The following ADAM10 variants were observed in gnomAD, a reference collection of about 807,000 sequenced individuals.
ADAM10 encodes the protein ADAM metallopeptidase domain 10.
ADAM10 carries 17 observed loss-of-function variants against 90.1 expected under a neutral mutation model. That is an observed-to-expected ratio of 0.19 (90% CI 0.13 to 0.28). The LOEUF (loss-of-function observed/expected upper bound fraction) is 0.28, where lower values mean the gene tolerates loss of function less well. Among genes scored for constraint, ADAM10 ranks in the 10% least tolerant of loss-of-function variants. ADAM10 has a pLI of 1.00. For synonymous variants in ADAM10, 310 were observed against 298.6 expected, an observed-to-expected ratio of 1.04 and a Z score of -0.40; for missense variants, 610 against 914.3, an observed-to-expected ratio of 0.67 and a Z score of 4.29.
intron 1 of ADAM10, chr15:58,747,347 G>A (rs1187472611): frequency 6.6e-6 from 1 of 152,156 alleles, no homozygotes; most frequent in Non-Finnish European, 1.5e-5. Flanking sequence ...CTGACAAATT[G>A]GGGAGGTGGA....
At position 58,658,957 on chromosome 15, in the gene ADAM10, T is replaced by C. The variant is rs112455193; in HGVS notation, c.585+6140A>G. On this transcript the variant is annotated intron_variant, in intron 5 of 15. Transcript: ENST00000260408. ...TTGCCTTATTATGGTGGCTAGGACT[T>C]TGTGTATAATGCTGAGTAGAAGTTT... Among the ~76,000 whole-genome samples, 1,391 of 152,174 alleles carry C rather than the reference T, an allele frequency of 9.1e-3. 11 individuals carry two copies. Among genetic ancestry groups the C allele is most frequent in the Middle Eastern group, 0.024 (7 of 294 alleles).
rs112163441 is a variant in ADAM10, at chr15:58,659,260, G to A, written c.585+5837C>T. On this transcript the variant is annotated intron_variant, in intron 5 of 15. Transcript: ENST00000260408. ...TGCACTCCAGCCTGGGAGACAGAGC[G>A]AGAATCCGTCTCAAAAAAGAAAAAA... Among the ~76,000 whole-genome samples the A allele has an allele frequency of 5.7e-3, 870 of 151,652 alleles. 7 individuals are homozygous for A. Among genetic ancestry groups the A allele is most frequent in the African/African-American group, 0.02 (837 of 41,306 alleles).
chr15:58,606,924 G>A (rs1458705601), intron 14 of ADAM10, among the ~76,000 whole-genome samples: 2 of 152,216 alleles, frequency 1.3e-5, no homozygotes, highest in Non-Finnish European at 2.9e-5. Context: ...CACTGTTGCA[G>A]CTACTCAAAG....
intron 14 of ADAM10, among the ~76,000 whole-genome samples, chr15:58,604,868 G>A (rs1272543319): frequency 6.6e-6 from 1 of 152,078 alleles, no homozygotes; most frequent in Non-Finnish European, 1.5e-5. Context: ...CTGAGTAGCT[G>A]GGACTACAAG....
chr15:58,629,912 G>A (rs987835176), intron 9 of ADAM10, among the ~76,000 whole-genome samples: 6 of 152,034 alleles, frequency 3.9e-5, no homozygotes, highest in Non-Finnish European at 7.4e-5. Flanking sequence ...GACTACAGGT[G>A]CAGTCCAGCA....
rs67378373 is a variant in ADAM10, at chr15:58,647,248, ATTTTTTTTTTTTT to A, written c.586-1057_586-1045del. 1.9e-3 allele frequency among the ~76,000 whole-genome samples: 113 copies of A among 59,602 alleles called. 4 individuals are homozygous for A. The highest frequency in any genetic ancestry group is 3.2e-3 in the Non-Finnish European group (90 of 27,854). 39.1% of individuals were successfully genotyped at this position (59,602 alleles called of 152,430 possible). ...TGGCAGCAAAGAGTAGACACTAAGT[ATTTTTTTTTTTTT>A]TTTTTTTTTTTTTTTTTGAGACAGA... On this transcript the variant is annotated intron_variant, in intron 5 of 15. Coordinates refer to ENST00000260408, the MANE Select transcript of ADAM10 (RefSeq NM_001110.4).
rs767192487 is a variant in ADAM10 at position 58,591,194 on chromosome 15, C to G, written c.*6353G>C. 3.3e-5 allele frequency: 5 copies of G among 152,128 alleles called. No homozygotes were observed. The highest frequency in any genetic ancestry group is 5.9e-5 in the Non-Finnish European group (4 of 67,996). The allele number at this position is 152,128 out of a possible 1,614,324, so 9.4% of individuals were successfully genotyped here. A position where few individuals can be genotyped will look rare whatever the true frequency, so the allele number is the denominator to read the frequency against. ...AAACAGGGACCCAATGGCCTGCTTG[C>G]TAAGATTGCTGGATGACTGATAGCT... On this transcript the variant is annotated 3_prime_UTR_variant, in exon 16 of 16. Transcript: ENST00000260408.
chr15:58,688,844 C>T (rs867960241), intron 2 of ADAM10, among the ~76,000 whole-genome samples: 4 of 141,468 alleles, frequency 2.8e-5, no homozygotes, highest in Non-Finnish European at 6.0e-5. Flanking sequence ...GAAAGAATAT[C>T]AGCGAACTTG....
At chr15:58,749,424 CCGGCCGCCGCTCCGCCGTGGTCG>C in intron 1 of ADAM10, 33 bp downstream of exon 1, 1 of 1,492,952 alleles carries the variant, frequency 6.7e-7, no homozygotes, top group Non-Finnish European at 8.9e-7. Context: ...TCCGCTCGGC[CCGGCCGCCGCTCCGCCGTGGTCG>C]CGGCGCCCCC....
chr15:58,602,177 T>C (rs1566963413), intron 14 of ADAM10, among the ~76,000 whole-genome samples: 3 of 152,312 alleles, frequency 2.0e-5, no homozygotes, highest in African/African-American at 2.4e-5. Flanking sequence ...ACTGACATTA[T>C]TGTGTTTTTT....
intron 1 of ADAM10, among the ~76,000 whole-genome samples, chr15:58,740,155 G>A (rs775699304): frequency 2.6e-5 from 4 of 152,200 alleles, no homozygotes; most frequent in Non-Finnish European, 5.9e-5. Flanking sequence ...GCTCATGCCT[G>A]TAATCCCAAA....
chr15:58,684,057 A>T (rs1407472359), intron 2 of ADAM10, among the ~76,000 whole-genome samples: 1 of 152,120 alleles, frequency 6.6e-6, no homozygotes, highest in African/African-American at 2.4e-5. Context: ...TACACTTTAA[A>T]TCATCTCAAA....
At chr15:58,677,149 G>A (rs1453510526) in intron 4 of ADAM10, among the ~76,000 whole-genome samples, 1 of 152,128 alleles carries the variant, frequency 6.6e-6, no homozygotes, top group South Asian at 2.1e-4. Flanking sequence ...CTGTTTAAGG[G>A]AACTCCTTCC....
chr15:58,648,770 A>T (rs1191048599), intron 5 of ADAM10, among the ~76,000 whole-genome samples: 2 of 152,162 alleles, frequency 1.3e-5, no homozygotes, highest in Non-Finnish European at 2.9e-5. Flanking sequence ...TATTACGGAC[A>T]TACAAATTAA....
At chr15:58,705,341 T>C (rs1174926317) in intron 2 of ADAM10, among the ~76,000 whole-genome samples, 2 of 152,232 alleles carry the variant, frequency 1.3e-5, no homozygotes, top group Admixed American at 1.3e-4. Context: ...GTAAGTATTA[T>C]GTTTCTCATC....
chr15:58,617,025 C>T (rs1269796848), intron 11 of ADAM10, among the ~76,000 whole-genome samples: 2 of 151,972 alleles, frequency 1.3e-5, no homozygotes, highest in African/African-American at 2.4e-5. Flanking sequence ...AGGAGAATGG[C>T]GTGAATCCAG....
At chr15:58,647,820 TG>T (rs1434825893) in intron 5 of ADAM10, among the ~76,000 whole-genome samples, 1 of 152,184 alleles carries the variant, frequency 6.6e-6, no homozygotes, top group Admixed American at 6.5e-5. Flanking sequence ...CCCGAAGTAC[TG>T]GGATTACAGG....
chr15:58,740,713 T>C (rs994995947), intron 1 of ADAM10, among the ~76,000 whole-genome samples: 16 of 152,182 alleles, frequency 1.1e-4, no homozygotes, highest in Non-Finnish European at 1.5e-5. Context: ...CCATTAACTA[T>C]ACATTAGTTT....
Position 58,600,986 on chromosome 15 carries a change from G to A in ADAM10, c.2026-1262C>T, listed in dbSNP as rs1316217567. 2.0e-5 allele frequency among the ~76,000 whole-genome samples: 3 copies of A among 152,156 alleles called. No homozygotes were observed. In the East Asian group the frequency reaches 5.8e-4, roughly 29 times the overall value. On this transcript the variant is annotated intron_variant, in intron 14 of 15. Coordinates refer to ENST00000260408, the MANE Select transcript of ADAM10 (RefSeq NM_001110.4). ...TTTATATAATTAAAGTAATACTAATGCTAATTTTAGCATTAATGAGAGTAA... is the reference window on the plus strand; with the variant it reads ...TTTATATAATTAAAGTAATACTAATACTAATTTTAGCATTAATGAGAGTAA...
Sources: gnomAD v4.1 joint callset for allele counts (sites outside exome capture counted in the v4.1 genomes callset) on GRCh38, gnomAD v4.1.1 for gene constraint, MANE v1.5 for transcripts, NCBI Gene and HGNC (gene_info 2026-07-23, HGNC 2026-07-21) for gene names.